Variants in ALMS1 observed in about 807,000 individuals in gnomAD.
ALMS1 encodes the protein ALMS1 centrosome and basal body associated protein.
ALMS1 carries 271 observed loss-of-function variants against 352.2 expected under a neutral mutation model. The observed-to-expected ratio is 0.77, with a 90% CI of 0.70 to 0.85. ALMS1 has a LOEUF of 0.85. ALMS1 is among the 40% of genes least tolerant of loss of function. ALMS1 has a pLI of 0.00. For missense variants in ALMS1, 5,445 were observed against 4,870.7 expected, an observed-to-expected ratio of 1.12 and a Z score of -3.51; for synonymous variants, 1,865 against 1,761.2, an observed-to-expected ratio of 1.06 and a Z score of -1.48.
chr2:73,447,901 C>T, intron 7 of ALMS1, 59 bp from the exon 8 acceptor site: 1 of 1,502,284 alleles, frequency 6.7e-7, no homozygotes, highest in Non-Finnish European at 8.9e-7. Flanking sequence ...TTTTTTCCAG[C>T]ACATAGAATT....
chr2:73,543,593 G>T (rs1674241958), intron 12 of ALMS1, among the ~76,000 whole-genome samples: 1 of 152,138 alleles, frequency 6.6e-6, no homozygotes, highest in Non-Finnish European at 1.5e-5. Context: ...TACAGAATGG[G>T]AGAAAAATTT....
At chr2:73,485,660 C>G (rs1672820651) in intron 9 of ALMS1, among the ~76,000 whole-genome samples, 1 of 152,188 alleles carries the variant, frequency 6.6e-6, no homozygotes, top group Non-Finnish European at 1.5e-5. Context: ...ATGGCGGGCG[C>G]CCCTCCCCCA....
intron 21 of ALMS1, among the ~76,000 whole-genome samples, chr2:73,606,056 C>T (rs949823865): frequency 6.6e-6 from 1 of 152,108 alleles, no homozygotes; most frequent in Non-Finnish European, 1.5e-5. Context: ...ACAAGTCCAG[C>T]TGTCTTCCAT....
chr2:73,530,305 G>A (rs541378488), intron 11 of ALMS1, among the ~76,000 whole-genome samples: 4 of 152,316 alleles, frequency 2.6e-5, no homozygotes, highest in East Asian at 3.9e-4. Flanking sequence ...CATTCCAAAC[G>A]GGAGAAGCTG....
At chr2:73,482,691 G>C (rs1396016510) in intron 9 of ALMS1, among the ~76,000 whole-genome samples, 1 of 152,112 alleles carries the variant, frequency 6.6e-6, no homozygotes, top group Admixed American at 6.6e-5. Context: ...GAATTCGGCT[G>C]TTAATCCATC....
At chr2:73,413,475 C>A (rs935388732) in intron 2 of ALMS1, among the ~76,000 whole-genome samples, 1 of 152,026 alleles carries the variant, frequency 6.6e-6, no homozygotes, top group Non-Finnish European at 1.5e-5. Flanking sequence ...TTGAATAATT[C>A]TTCATAGTGG....
chr2:73,577,844 GA>G (rs1427205992), intron 16 of ALMS1, among the ~76,000 whole-genome samples: 1 of 152,092 alleles, frequency 6.6e-6, no homozygotes, highest in Non-Finnish European at 1.5e-5. Flanking sequence ...CATTTAAGAC[GA>G]ATGTGTATTC....
intron 10 of ALMS1, among the ~76,000 whole-genome samples, chr2:73,502,928 C>G (rs183202175): frequency 4.3e-4 from 65 of 152,144 alleles, no homozygotes; most frequent in Admixed American, 3.9e-3. Context: ...TTTGGGAATA[C>G]GTTGTTGACC....
At chr2:73,436,741 TTCTG>T (rs2103744500) in intron 7 of ALMS1, among the ~76,000 whole-genome samples, 1 of 152,334 alleles carries the variant, frequency 6.6e-6, no homozygotes, top group South Asian at 2.1e-4. Context: ...ATTTTCTAAG[TTCTG>T]TCTTTCATTC....
intron 8 of ALMS1, 38 bp downstream of exon 8, chr2:73,454,105 TA>T (rs1339538389): frequency 3.2e-6 from 5 of 1,568,618 alleles, no homozygotes; most frequent in Non-Finnish European, 4.3e-6. Context: ...CGTTATAGTT[TA>T]ATAATGTGTT....
chr2:73,403,145 C>T (rs765093708), intron 1 of ALMS1, among the ~76,000 whole-genome samples: 71 of 152,124 alleles, frequency 4.7e-4, no homozygotes, highest in Non-Finnish European at 8.4e-4. Flanking sequence ...ATATTTTCTT[C>T]TAGGTTTATG....
At chr2:73,478,662 T>G (rs1254915971) in intron 9 of ALMS1, among the ~76,000 whole-genome samples, 1 of 150,982 alleles carries the variant, frequency 6.6e-6, no homozygotes, top group African/African-American at 2.5e-5. Flanking sequence ...ATTCGTTTAT[T>G]TATTTATTTA....
chr2:73,398,938 G>A (rs1670817460), intron 1 of ALMS1, among the ~76,000 whole-genome samples: 1 of 152,142 alleles, frequency 6.6e-6, no homozygotes, highest in Non-Finnish European at 1.5e-5. Context: ...CTGCCTCCCG[G>A]GTTCAAGCGA....
intron 9 of ALMS1, among the ~76,000 whole-genome samples, chr2:73,483,517 TGTG>T (rs1259720265): frequency 6.6e-6 from 1 of 151,582 alleles, no homozygotes; most frequent in East Asian, 1.9e-4. Context: ...TTGGAATAGG[TGTG>T]GTGTGGTGCT....
At chr2:73,413,853 G>A (rs1227706003) in intron 2 of ALMS1, among the ~76,000 whole-genome samples, 1 of 152,050 alleles carries the variant, frequency 6.6e-6, no homozygotes, top group Non-Finnish European at 1.5e-5. Flanking sequence ...AATTGACCTT[G>A]TATATGTGGG....
At chr2:73,521,551 A>G (rs1450938104) in intron 11 of ALMS1, among the ~76,000 whole-genome samples, 1 of 150,180 alleles carries the variant, frequency 6.7e-6, no homozygotes, top group Non-Finnish European at 1.5e-5. Context: ...CCTGGCTAAC[A>G]CAATGAAACC....
chr2:73,454,539 C>G (rs1221802052), intron 8 of ALMS1: 1 of 210,386 alleles, frequency 4.8e-6, no homozygotes, highest in Non-Finnish European at 8.2e-6. Context: ...TCTAATAGAA[C>G]TCTTGGTGTT....
At chr2:73,438,097 G>A (rs934409908) in intron 7 of ALMS1, among the ~76,000 whole-genome samples, 21 of 152,086 alleles carry the variant, frequency 1.4e-4, no homozygotes, top group Non-Finnish European at 1.8e-4. Context: ...ATAAACTACC[G>A]TCAGTCTCCT....
intron 9 of ALMS1, among the ~76,000 whole-genome samples, chr2:73,472,515 G>A (rs1672488628): frequency 6.6e-6 from 1 of 152,052 alleles, no homozygotes; most frequent in Non-Finnish European, 1.5e-5. Context: ...ATATGGTGGA[G>A]TAGGGAACTC....
Sources: allele counts gnomAD v4.1 joint callset (sites outside exome capture counted in the v4.1 genomes callset), GRCh38; gene constraint gnomAD v4.1.1; transcripts MANE v1.5; gene names NCBI Gene and HGNC (gene_info 2026-07-23, HGNC 2026-07-21).